The following KPNA6 variants were observed in gnomAD, a reference collection of about 807,000 sequenced individuals.
KPNA6 encodes karyopherin subunit alpha 6.
A neutral mutation model predicts 72.0 loss-of-function variants in KPNA6; 9 were observed. The observed-to-expected ratio is 0.13, with a 90% confidence interval of 0.08 to 0.22. The LOEUF is 0.22. KPNA6 is among the 10% of genes least tolerant of loss of function. The probability of loss-of-function intolerance (pLI) is 1.00; values close to 1 mark genes in which losing one functional copy is unlikely to be tolerated. For synonymous variants in KPNA6, 219 were observed against 242.1 expected (o/e 0.90, Z 0.89); for missense variants, 374 against 655.7 (o/e 0.57, Z 4.69).
chr1:32,156,058 A>G (rs886261013), intron 2 of KPNA6, among the ~76,000 whole-genome samples: 1 of 150,316 alleles, frequency 6.7e-6, no homozygotes, highest in Non-Finnish European at 1.5e-5. Context: ...TGCCTGGCCA[A>G]CCTAACCTGA....
intron 1 of KPNA6, among the ~76,000 whole-genome samples, chr1:32,121,730 A>T (rs546096612): frequency 9.1e-4 from 138 of 152,030 alleles, no homozygotes; most frequent in Admixed American, 3.1e-3. Context: ...CCCAGCACTT[A>T]GGGAGGCTGA....
At chr1:32,119,480 A>G (rs987748468) in intron 1 of KPNA6, among the ~76,000 whole-genome samples, 3 of 152,302 alleles carry the variant, frequency 2.0e-5, no homozygotes, top group South Asian at 4.1e-4. Context: ...AGTGCCCACT[A>G]TGTGCAAGGG....
chr1:32,152,309 T>C (rs575334022), intron 1 of KPNA6, among the ~76,000 whole-genome samples: 2 of 151,804 alleles, frequency 1.3e-5, no homozygotes, highest in African/African-American at 2.4e-5. Context: ...GCCTAGGCAA[T>C]AGAGGGAGGC....
Position 32,174,334 on chromosome 1 carries a change from A to G in KPNA6, c.*3440A>G, listed in dbSNP as rs1004245854. On this transcript the variant is annotated 3_prime_UTR_variant, in exon 14 of 14. Coordinates refer to ENST00000373625, the MANE Select transcript of KPNA6 (RefSeq NM_012316.5). ...ATTATAGCTGCTATTGTACTTAAAT[A>G]AGGGAGAGGAAAAGAAGGTTCTCAG... is the stretch of plus-strand genomic sequence containing the variant. 2 of 152,226 alleles carry G rather than the reference A, an allele frequency of 1.3e-5. No homozygotes were observed. The highest frequency in any genetic ancestry group is 4.8e-5 in the African/African-American group (2 of 41,440). 9.4% of individuals were successfully genotyped at this position (152,226 alleles called of 1,614,324 possible).
intron 11 of KPNA6, among the ~76,000 whole-genome samples, chr1:32,166,755 A>C (rs1642346826): frequency 6.9e-6 from 1 of 145,944 alleles, no homozygotes; most frequent in African/African-American, 2.5e-5. Context: ...TGGTGAAACC[A>C]TGTCTCTTCT....
intron 1 of KPNA6, among the ~76,000 whole-genome samples, chr1:32,117,518 G>A (rs559919384): frequency 6.6e-6 from 1 of 151,198 alleles, no homozygotes; most frequent in South Asian, 2.1e-4. Flanking sequence ...GGCTGGGTAT[G>A]CTGGCTGACG....
chr1:32,174,124 C>G lies in KPNA6; in HGVS notation c.*3230C>G, dbSNP rs1642486566. 1 of 152,184 alleles carries G rather than the reference C, an allele frequency of 6.6e-6. No homozygotes were observed. Among genetic ancestry groups the G allele is most frequent in the Admixed American group, 6.5e-5 (1 of 15,274 alleles). The allele number at this position is 152,184 out of a possible 1,614,324, so 9.4% of individuals were successfully genotyped here. A position where few individuals can be genotyped will look rare whatever the true frequency, so the allele number is the denominator to read the frequency against. Reference sequence around the variant, plus strand: ...AGAACCACATGGATTCCACCCACAGCTGGCCAGGCTTGTTACATGGGTCAG... The same window carrying G: ...AGAACCACATGGATTCCACCCACAGGTGGCCAGGCTTGTTACATGGGTCAG... On this transcript the variant is annotated 3_prime_UTR_variant, in exon 14 of 14. Transcript: ENST00000373625.
chr1:32,168,539 G>T lies in KPNA6; in HGVS notation c.1244+1243G>T, dbSNP rs549116829. Among the ~76,000 whole-genome samples the T allele has an allele frequency of 1.8e-3, 278 of 152,306 alleles. 2 individuals are homozygous for T. Among genetic ancestry groups the T allele is most frequent in the Non-Finnish European group, 2.8e-3 (190 of 68,026 alleles). Reference sequence around the variant, plus strand: ...TCTGAACATTAGTGGAAAGTGGTGGGAATAGTTAAGTGTTTTGCCCTTCAC... The same window carrying T: ...TCTGAACATTAGTGGAAAGTGGTGGTAATAGTTAAGTGTTTTGCCCTTCAC... On this transcript the variant is annotated intron_variant, in intron 12 of 13. Transcript: ENST00000373625.
At chr1:32,161,401 T>C (rs780823473) in intron 7 of KPNA6, among the ~76,000 whole-genome samples, 3 of 152,194 alleles carry the variant, frequency 2.0e-5, no homozygotes, top group Non-Finnish European at 2.9e-5. Flanking sequence ...TGAAGCGTCA[T>C]TGTATCCTTC....
intron 1 of KPNA6, among the ~76,000 whole-genome samples, chr1:32,144,410 G>A (rs1441539517): frequency 6.6e-6 from 1 of 152,166 alleles, no homozygotes; most frequent in Non-Finnish European, 1.5e-5. Context: ...TGTTGTCCAT[G>A]GGTAACTGAC....
At chr1:32,155,835 G>T (rs1642131253) in intron 2 of KPNA6, among the ~76,000 whole-genome samples, 1 of 151,248 alleles carries the variant, frequency 6.6e-6, no homozygotes, top group Non-Finnish European at 1.5e-5. Flanking sequence ...AAGCTCCCGG[G>T]CTCAAGTGAT....
At chr1:32,164,878 A>T (rs942982704) in intron 10 of KPNA6, among the ~76,000 whole-genome samples, 1 of 148,428 alleles carries the variant, frequency 6.7e-6, no homozygotes, top group Non-Finnish European at 1.5e-5. Flanking sequence ...TGGTGTCTTT[A>T]AAAAAAAAAC....
chr1:32,168,312 C>T (rs914506422), intron 12 of KPNA6, among the ~76,000 whole-genome samples: 1 of 152,200 alleles, frequency 6.6e-6, no homozygotes, highest in African/African-American at 2.4e-5. Context: ...GCTTTAGCCT[C>T]CTGAGTAGCT....
intron 1 of KPNA6, among the ~76,000 whole-genome samples, chr1:32,130,232 T>A (rs1641613448): frequency 2.0e-5 from 3 of 150,234 alleles, no homozygotes; most frequent in African/African-American, 7.3e-5. Flanking sequence ...ATTTTTTTTT[T>A]TTTTTTTTTT....
chr1:32,131,748 A>G (rs1164983814), intron 1 of KPNA6, among the ~76,000 whole-genome samples: 1 of 150,862 alleles, frequency 6.6e-6, no homozygotes, highest in Non-Finnish European at 1.5e-5. Context: ...GGCCAGGTAC[A>G]GTGGCCCACA....
chr1:32,142,787 G>C, intron 1 of KPNA6: 1 of 353,472 alleles, frequency 2.8e-6, no homozygotes, highest in Non-Finnish European at 5.2e-6. Context: ...AAAGCCGCTG[G>C]CGTGCTGGAT....
At chr1:32,116,848 C>T (rs572456735) in intron 1 of KPNA6, among the ~76,000 whole-genome samples, 1 of 152,180 alleles carries the variant, frequency 6.6e-6, no homozygotes, top group East Asian at 1.9e-4. Context: ...TAATTAGCCT[C>T]ATTTCAATAT....
At chr1:32,131,867 G>A (rs893604634) in intron 1 of KPNA6, among the ~76,000 whole-genome samples, 2 of 151,702 alleles carry the variant, frequency 1.3e-5, no homozygotes, top group Non-Finnish European at 2.9e-5. Context: ...ATCCAGCCTG[G>A]TCTCCTGTGT....
intron 3 of KPNA6, 70 bp downstream of exon 3, chr1:32,157,015 T>A: frequency 9.1e-7 from 1 of 1,102,020 alleles, no homozygotes. Context: ...ATTGGGCCGT[T>A]CACATCATCT....
Sources: allele counts gnomAD v4.1 joint callset (sites outside exome capture counted in the v4.1 genomes callset), GRCh38; gene constraint gnomAD v4.1.1; transcripts MANE v1.5; gene names NCBI Gene and HGNC (gene_info 2026-07-23, HGNC 2026-07-21).